The following PARN variants were observed in gnomAD, a reference collection of about 807,000 sequenced individuals.
PARN encodes the protein poly(A)-specific ribonuclease, also known as poly(A)-specific ribonuclease PARN.
Under a neutral mutation model 102.8 loss-of-function variants are expected in PARN, and 71 were observed. The ratio of observed to expected loss-of-function variants is 0.69; its 90% CI spans 0.57 to 0.84. The LOEUF (loss-of-function observed/expected upper bound fraction) is 0.84, where lower values mean the gene tolerates loss of function less well. Among genes scored for constraint, PARN ranks in the 40% least tolerant of loss-of-function variants. The probability of loss-of-function intolerance (pLI) is 0.00; values close to 1 mark genes in which losing one functional copy is unlikely to be tolerated. For missense variants in PARN, 782 were observed against 760.9 expected, an observed-to-expected ratio of 1.03 and a Z score of -0.33; for synonymous variants, 261 against 252.9, an observed-to-expected ratio of 1.03 and a Z score of -0.30.
chr16:14,569,731 A>AAT (rs1305156465), intron 18 of PARN, among the ~76,000 whole-genome samples: 1 of 152,224 alleles, frequency 6.6e-6, no homozygotes, highest in African/African-American at 2.4e-5. Flanking sequence ...ACAAAAGGAT[A>AAT]CATTCATAGA....
intron 23 of PARN, among the ~76,000 whole-genome samples, chr16:14,440,205 C>A (rs1431827995): frequency 6.6e-6 from 1 of 152,150 alleles, no homozygotes; most frequent in Non-Finnish European, 1.5e-5. Flanking sequence ...AAAGATATTT[C>A]ACCAAATAAG....
chr16:14,621,254 G>C (rs1260506570), intron 5 of PARN, among the ~76,000 whole-genome samples: 1 of 152,086 alleles, frequency 6.6e-6, no homozygotes, highest in Non-Finnish European at 1.5e-5. Context: ...TTCCATCTCT[G>C]ACAAAGGCAC....
chr16:14,480,206 A>G (rs1050707586), intron 22 of PARN, among the ~76,000 whole-genome samples: 1 of 152,112 alleles, frequency 6.6e-6, no homozygotes, highest in South Asian at 2.1e-4. Context: ...GGTGGCGCAC[A>G]TCTGTAATCT....
intron 22 of PARN, among the ~76,000 whole-genome samples, chr16:14,467,754 G>T (rs1482144761): frequency 1.3e-5 from 2 of 152,190 alleles, no homozygotes; most frequent in Admixed American, 6.5e-5. Flanking sequence ...AGATTATGGT[G>T]CAATTATCAA....
intron 18 of PARN, among the ~76,000 whole-genome samples, chr16:14,564,862 A>G (rs1968337449): frequency 6.6e-6 from 1 of 152,190 alleles, no homozygotes; most frequent in South Asian, 2.1e-4. Flanking sequence ...CTCAAAAAAG[A>G]GATTTCCAAG....
intron 5 of PARN, among the ~76,000 whole-genome samples, chr16:14,622,466 G>A (rs1054945464): frequency 6.6e-6 from 1 of 152,218 alleles, no homozygotes; most frequent in African/African-American, 2.4e-5. Context: ...ACATTCTGCT[G>A]AGTGGCAAGT....
At chr16:14,454,806 T>C (rs994874943) in intron 22 of PARN, among the ~76,000 whole-genome samples, 1 of 152,252 alleles carries the variant, frequency 6.6e-6, no homozygotes, top group African/African-American at 2.4e-5. Context: ...TTTCATAGCA[T>C]TGTGTTACAT....
At chr16:14,629,375 C>A (rs944625504) in intron 2 of PARN, among the ~76,000 whole-genome samples, 18 of 152,348 alleles carry the variant, frequency 1.2e-4, no homozygotes, top group African/African-American at 4.1e-4. Context: ...AAACCATCAT[C>A]TCTATCTGAG....
At chr16:14,583,736 A>G (rs923479879) in intron 16 of PARN, among the ~76,000 whole-genome samples, 171 of 152,268 alleles carry the variant, frequency 1.1e-3, no homozygotes, top group African/African-American at 3.7e-3. Context: ...ATGGCTCGCT[A>G]ATCACCGTAT....
At chr16:14,484,907 AG>A (rs2151600485) in intron 21 of PARN, among the ~76,000 whole-genome samples, 1 of 152,132 alleles carries the variant, frequency 6.6e-6, no homozygotes, top group East Asian at 1.9e-4. Context: ...AAAGAGAAAA[AG>A]AAAAAAAAAA....
intron 22 of PARN, among the ~76,000 whole-genome samples, chr16:14,480,190 G>T (rs912975711): frequency 6.6e-6 from 1 of 151,954 alleles, no homozygotes; most frequent in Non-Finnish European, 1.5e-5. Flanking sequence ...AAAATTACGC[G>T]GGCGTGGTGG....
chr16:14,599,278 A>G (rs1212232879), intron 12 of PARN, among the ~76,000 whole-genome samples: 7 of 152,044 alleles, frequency 4.6e-5, no homozygotes, highest in Non-Finnish European at 2.9e-5. Context: ...CCTGAGCTCA[A>G]GCAATCCATC....
At chr16:14,485,561 A>G (rs1596491054) in intron 21 of PARN, among the ~76,000 whole-genome samples, 2 of 152,152 alleles carry the variant, frequency 1.3e-5, no homozygotes, top group Admixed American at 6.5e-5. Context: ...TCATCTATCA[A>G]TGTGGACATA....
intron 22 of PARN, among the ~76,000 whole-genome samples, chr16:14,457,872 G>A (rs953651913): frequency 7.4e-5 from 11 of 148,082 alleles, no homozygotes; most frequent in Non-Finnish European, 1.5e-4. Context: ...AATGGTAGCT[G>A]TCTGGTAATA....
At chr16:14,533,801 C>G (rs1966488351) in intron 21 of PARN, among the ~76,000 whole-genome samples, 1 of 152,210 alleles carries the variant, frequency 6.6e-6, no homozygotes, top group Admixed American at 6.5e-5. Flanking sequence ...TCACAACACT[C>G]AGTAGCCACT....
At chr16:14,520,202 C>T (rs994312844) in intron 21 of PARN, among the ~76,000 whole-genome samples, 2 of 152,060 alleles carry the variant, frequency 1.3e-5, no homozygotes, top group Admixed American at 1.3e-4. Context: ...CTTCAACAAA[C>T]GAGGGGGTGA....
At chr16:14,496,207 C>A (rs906148747) in intron 21 of PARN, among the ~76,000 whole-genome samples, 1 of 152,340 alleles carries the variant, frequency 6.6e-6, no homozygotes, top group East Asian at 1.9e-4. Context: ...AGCTCCCTGA[C>A]CCTGACGCAT....
chr16:14,624,268 G>C (rs1309961038), intron 5 of PARN, among the ~76,000 whole-genome samples: 1 of 152,154 alleles, frequency 6.6e-6, no homozygotes, highest in East Asian at 1.9e-4. Flanking sequence ...GCCCTTGTAT[G>C]CAACTCTGCT....
chr16:14,575,914 G>A (rs1027404182), intron 18 of PARN, among the ~76,000 whole-genome samples: 28 of 152,150 alleles, frequency 1.8e-4, no homozygotes, highest in Admixed American at 3.9e-4. Context: ...CACTGTTCTC[G>A]TGATAGTGAA....
Sources: gnomAD v4.1 joint callset for allele counts (sites outside exome capture counted in the v4.1 genomes callset) on GRCh38, gnomAD v4.1.1 for gene constraint, MANE v1.5 for transcripts, NCBI Gene and HGNC (gene_info 2026-07-23, HGNC 2026-07-21) for gene names.